Variants in CDH12 observed in about 807,000 individuals in gnomAD.
CDH12 encodes the protein cadherin-12.
CDH12 carries 41 observed loss-of-function variants against 74.1 expected under a neutral mutation model. The observed-to-expected ratio is 0.55, with a 90% CI of 0.43 to 0.72. CDH12 has a LOEUF of 0.72. Among genes scored for constraint, CDH12 ranks in the 30% least tolerant of loss-of-function variants. The pLI, the probability that CDH12 is intolerant of heterozygous loss-of-function variation, is 0.00. For missense variants in CDH12, 945 were observed against 977.2 expected (o/e 0.97, Z 0.44); for synonymous variants, 399 against 355.0 (o/e 1.12, Z -1.39).
rs559201503 is a variant in CDH12 at position 22,676,042 on chromosome 5, T to C, written c.-522-170678A>G. 5.7e-4 allele frequency among the ~76,000 whole-genome samples: 87 copies of C among 151,612 alleles called. 5 individuals carry two copies. In the South Asian group the frequency reaches 0.017, roughly 30 times the overall value. Reference sequence around the variant, plus strand: ...ATCAAAAGCACTGAGAAAACTAATTTAAAAATAACTATTTACATGAATTAT... The same window carrying C: ...ATCAAAAGCACTGAGAAAACTAATTCAAAAATAACTATTTACATGAATTAT... On this transcript the variant is annotated intron_variant, in intron 1 of 14. Coordinates refer to ENST00000382254, the MANE Select transcript of CDH12 (RefSeq NM_004061.5).
chr5:22,176,746 A>G (rs1749356493), intron 4 of CDH12, among the ~76,000 whole-genome samples: 1 of 152,138 alleles, frequency 6.6e-6, no homozygotes, highest in South Asian at 2.1e-4. Context: ...GGGAGTGATC[A>G]TTTAATCAGA....
rs191659473 is a variant in CDH12 at position 22,488,647 on chromosome 5, A to G, written c.-428+16623T>C. 2.8e-4 allele frequency among the ~76,000 whole-genome samples: 43 copies of G among 152,230 alleles called. No homozygotes were observed. The East Asian group carries it at 3.1e-3, about 11-fold the overall frequency. ...GCTCTCAAACTCTGGGCCACTATCC[A>G]TCTACCCTAATTATCCTAGGGCCAA... On this transcript the variant is annotated intron_variant, in intron 2 of 14. Coordinates refer to ENST00000382254, the MANE Select transcript of CDH12 (RefSeq NM_004061.5).
intron 11 of CDH12, among the ~76,000 whole-genome samples, chr5:21,765,431 A>G (rs1397482168): frequency 6.6e-6 from 1 of 151,874 alleles, no homozygotes; most frequent in Non-Finnish European, 1.5e-5. Flanking sequence ...AAAATTGTCT[A>G]TGTTGTACCC....
intron 1 of CDH12, among the ~76,000 whole-genome samples, chr5:22,794,935 T>G (rs1178918845): frequency 6.6e-6 from 1 of 151,718 alleles, no homozygotes; most frequent in Non-Finnish European, 1.5e-5. Context: ...GTTTTGATGT[T>G]ATATATATAC....
intron 3 of CDH12, among the ~76,000 whole-genome samples, chr5:22,386,107 G>A (rs781374773): frequency 4.6e-5 from 7 of 152,036 alleles, no homozygotes; most frequent in Non-Finnish European, 8.8e-5. Context: ...GGTGAGACTG[G>A]TCTCAAACTC....
At chr5:21,990,094 A>T (rs2150134647) in intron 5 of CDH12, among the ~76,000 whole-genome samples, 1 of 152,258 alleles carries the variant, frequency 6.6e-6, no homozygotes, top group African/African-American at 2.4e-5. Context: ...CTAACTTTAG[A>T]GGTCGAAGTT....
At chr5:22,794,299 A>G (rs926204018) in intron 1 of CDH12, among the ~76,000 whole-genome samples, 11 of 152,214 alleles carry the variant, frequency 7.2e-5, no homozygotes, top group Non-Finnish European at 1.3e-4. Context: ...TTTTGTTAGC[A>G]GTGAAGGAAT....
chr5:21,978,171 C>T (rs991129307), intron 5 of CDH12, among the ~76,000 whole-genome samples: 2 of 152,074 alleles, frequency 1.3e-5, no homozygotes, highest in African/African-American at 2.4e-5. Context: ...GTCGGAGTAT[C>T]GCTCTCGTTG....
intron 4 of CDH12, among the ~76,000 whole-genome samples, chr5:22,092,966 CACA>C (rs1235804658): frequency 6.6e-6 from 1 of 152,142 alleles, no homozygotes; most frequent in Non-Finnish European, 1.5e-5. Context: ...GCAGTTAACA[CACA>C]ACAAGCTTTA....
chr5:22,518,000 G>A (rs527423094), intron 1 of CDH12, among the ~76,000 whole-genome samples: 2 of 152,166 alleles, frequency 1.3e-5, no homozygotes, highest in African/African-American at 4.8e-5. Flanking sequence ...AATTTTCCTG[G>A]TTCTTCCTTA....
At chr5:21,892,029 C>T (rs1322681641) in intron 6 of CDH12, among the ~76,000 whole-genome samples, 2 of 152,092 alleles carry the variant, frequency 1.3e-5, no homozygotes, top group Non-Finnish European at 2.9e-5. Flanking sequence ...CTATGCCAAG[C>T]TCATATAACA....
chr5:22,431,418 C>T (rs896681884), intron 2 of CDH12, among the ~76,000 whole-genome samples: 2 of 152,128 alleles, frequency 1.3e-5, no homozygotes, highest in Non-Finnish European at 2.9e-5. Flanking sequence ...TACTCTACTG[C>T]GAATGGTATA....
At chr5:22,030,032 A>C (rs1020719205) in intron 5 of CDH12, among the ~76,000 whole-genome samples, 3 of 140,934 alleles carry the variant, frequency 2.1e-5, no homozygotes, top group East Asian at 4.6e-4. Context: ...CAAACACCGC[A>C]TGTTCTCACT....
At chr5:22,767,576 C>T (rs1240712762) in intron 1 of CDH12, among the ~76,000 whole-genome samples, 1 of 151,512 alleles carries the variant, frequency 6.6e-6, no homozygotes, top group Non-Finnish European at 1.5e-5. Flanking sequence ...ATAATAATTA[C>T]CTGAATCAAC....
At chr5:22,667,742 A>C (rs950204828) in intron 1 of CDH12, among the ~76,000 whole-genome samples, 7 of 152,220 alleles carry the variant, frequency 4.6e-5, no homozygotes, top group Non-Finnish European at 8.8e-5. Flanking sequence ...GAATTTTAAG[A>C]ATCTATTCAC....
chr5:21,906,737 G>C (rs373146895), intron 6 of CDH12, among the ~76,000 whole-genome samples: 18 of 152,180 alleles, frequency 1.2e-4, no homozygotes, highest in African/African-American at 4.3e-4. Flanking sequence ...CACCCTGGAT[G>C]CAACATTCCT....
At chr5:22,405,922 A>T (rs1191886634) in intron 2 of CDH12, among the ~76,000 whole-genome samples, 2 of 152,194 alleles carry the variant, frequency 1.3e-5, no homozygotes, top group South Asian at 4.1e-4. Flanking sequence ...TCTCTAGATT[A>T]CTTATAATGC....
At chr5:22,725,681 A>G (rs1188288997) in intron 1 of CDH12, among the ~76,000 whole-genome samples, 1 of 151,508 alleles carries the variant, frequency 6.6e-6, no homozygotes, top group Admixed American at 6.6e-5. Context: ...CCTACCTCCT[A>G]ATACTGCCAC....
intron 14 of CDH12, among the ~76,000 whole-genome samples, chr5:21,755,051 C>T (rs565993618): frequency 6.6e-6 from 1 of 152,258 alleles, no homozygotes; most frequent in South Asian, 2.1e-4. Context: ...GGAAGAATTA[C>T]TTATGGATGG....
Sources: gnomAD v4.1 joint callset for allele counts (sites outside exome capture counted in the v4.1 genomes callset) on GRCh38, gnomAD v4.1.1 for gene constraint, MANE v1.5 for transcripts, NCBI Gene and HGNC (gene_info 2026-07-23, HGNC 2026-07-21) for gene names.